The following KCNH4 variants were observed in gnomAD, a reference collection of about 807,000 sequenced individuals.
The protein encoded by KCNH4 is voltage-gated delayed rectifier potassium channel KCNH4.
KCNH4 carries 33 observed loss-of-function variants against 90.7 expected under a neutral mutation model. The ratio of observed to expected loss-of-function variants is 0.36; its 90% CI spans 0.28 to 0.49. The LOEUF (loss-of-function observed/expected upper bound fraction) is 0.49. Among genes scored for constraint, KCNH4 ranks in the 20% least tolerant of loss-of-function variants. The probability of loss-of-function intolerance (pLI) is 0.98; values close to 1 mark genes in which losing one functional copy is unlikely to be tolerated. For missense variants in KCNH4, 1,044 were observed against 1,387.1 expected (o/e 0.75, Z 3.93); for synonymous variants, 551 against 581.7 (o/e 0.95, Z 0.76).
chr17:42,175,489 G>T, intron 6 of KCNH4, 90 bp downstream of exon 6: 1 of 1,362,586 alleles, frequency 7.3e-7, no homozygotes. Context: ...ATGGGAAGGG[G>T]CATATCTGGG....
In KCNH4 at chr17:42,160,436, C is replaced by T; in HGVS notation, c.2659-1G>A. On this transcript the variant is annotated splice_acceptor_variant, in intron 15 of 16. Coordinates refer to ENST00000264661, the MANE Select transcript of KCNH4 (RefSeq NM_012285.3). LOFTEE classifies it high-confidence loss of function. ...ACACCTCCTGATTGAGACGAGAGAT[C>T]TGTTGAAAACACATCGAGTTGTTTC... The T allele has an allele frequency of 1.3e-6, 2 of 1,580,686 alleles. No homozygotes were observed. Among genetic ancestry groups the T allele is most frequent in the South Asian group, 1.1e-5 (1 of 88,626 alleles).
In KCNH4 at chr17:42,163,748, A is replaced by T; in HGVS notation, c.2335T>A (p.Ser779Thr). The change falls in exon 13 of 17, where the codon TCC becomes ACC. Residue 779 changes from serine to threonine, a missense_variant. Coordinates refer to ENST00000264661, the MANE Select transcript of KCNH4 (RefSeq NM_012285.3). This position sits in a 1 kb window ranked among gnomAD's most constrained non-coding sequence, Gnocchi z 5.4. ...FSALVSSPSLSPSLSPALAGQ... is the reference protein window; with the variant it reads ...FSALVSSPSLTPSLSPALAGQ... ...GCCAGGGCAGGGGACAGGGATGGGG[A>T]TAAGGAAGGAGAGGAGACAAGGGCT... 1 of 1,559,062 alleles carries T rather than the reference A, an allele frequency of 6.4e-7. No individual in the cohort carries two copies. Among genetic ancestry groups the T allele is most frequent in the Non-Finnish European group, 8.7e-7 (1 of 1,155,662 alleles).
intron 7 of KCNH4, among the ~76,000 whole-genome samples, chr17:42,170,855 T>C (rs534940920): frequency 1.2e-4 from 19 of 152,268 alleles, no homozygotes; most frequent in South Asian, 6.2e-4. Flanking sequence ...AAAATCCATC[T>C]AGGTGGAGAG....
At position 42,169,986 on chromosome 17, in the gene KCNH4, C is replaced by T. The variant is rs1284759353; in HGVS notation, c.1390+121G>A. ...CTCAGGAAACGTCCGTGAATGAATG[C>T]GTGACTGTCTGGACTTGGGTAGACA... On this transcript the variant is annotated intron_variant, in intron 8 of 16. Transcript: ENST00000264661. 4.8e-6 allele frequency: 5 copies of T among 1,046,736 alleles called. No individual in the cohort carries two copies. In the Admixed American group the frequency reaches 7.9e-5, roughly 17 times the overall value. The allele number at this position is 1,046,736 out of a possible 1,614,324, so 64.8% of individuals were successfully genotyped here. A position where few individuals can be genotyped will look rare whatever the true frequency, so the allele number is the denominator to read the frequency against.
At chr17:42,159,477 A>G (rs1030893803) in intron 16 of KCNH4, among the ~76,000 whole-genome samples, 1 of 152,130 alleles carries the variant, frequency 6.6e-6, no homozygotes, top group African/African-American at 2.4e-5. Flanking sequence ...TGGGCGGCCT[A>G]AGAAATCATG....
At position 42,163,375 on chromosome 17, in the gene KCNH4, G is replaced by A. The variant is rs765507809; in HGVS notation, c.2478-41C>T. 6.9e-7 allele frequency: 1 copy of A among 1,448,410 alleles called. No homozygotes were observed. The highest frequency in any genetic ancestry group is 9.7e-7 in the Non-Finnish European group (1 of 1,033,040). 89.7% of individuals were successfully genotyped at this position (1,448,410 alleles called of 1,614,324 possible). A position where few individuals can be genotyped will look rare whatever the true frequency, so the allele number is the denominator to read the frequency against. ...TGCTCATCAGCACCATGGGGTGAGG[G>A]TAAGGGCCAGAGCAGAGCAGACAGA... On this transcript the variant is annotated intron_variant, in intron 13 of 16. Coordinates refer to ENST00000264661, the MANE Select transcript of KCNH4 (RefSeq NM_012285.3). The surrounding 1 kb of genome is among the most constrained non-coding windows in gnomAD (Gnocchi z 5.4).
chr17:42,165,754 A>C (rs1367126740), intron 10 of KCNH4, 61 bp from the exon 11 acceptor site: 1 of 1,596,230 alleles, frequency 6.3e-7, no homozygotes, highest in Non-Finnish European at 8.6e-7. Flanking sequence ...TATCAGCTGG[A>C]GGTGCTCAGT....
Position 42,175,614 on chromosome 17 carries a change from G to A in KCNH4, c.952C>T (p.Pro318Ser). ...TTGAAGATGTAAAGCAGGTCAAAGGGCAGAGCAGCAATAAGGTCGATGAAG... is the reference window on the plus strand; with the variant it reads ...TTGAAGATGTAAAGCAGGTCAAAGGACAGAGCAGCAATAAGGTCGATGAAG... The part of the protein sequence containing the change: ...WFFIDLIAAL[P>S]FDLLYIFNIT... The change falls in exon 6 of 17, where the codon CCC becomes TCC. Residue 318 changes from proline (P) to serine (S), a missense_variant. Pro to Ser is a moderately conservative substitution (Grantham distance 74). Around this residue, in one of 4 missense-constraint regions of KCNH4, gnomAD observed 318 missense variants for 479.6 expected, o/e 0.66. Coordinates refer to ENST00000264661, the MANE Select transcript of KCNH4 (RefSeq NM_012285.3). 6.2e-7 allele frequency: 1 copy of A among 1,614,200 alleles called. No individual in the cohort carries two copies.
rs1214391895 is a variant in KCNH4, at chr17:42,180,281, A to G, written c.76+589T>C. 6.6e-6 allele frequency among the ~76,000 whole-genome samples: 1 copy of G among 151,938 alleles called. No individual in the cohort carries two copies. Among genetic ancestry groups the G allele is most frequent in the Non-Finnish European group, 1.5e-5 (1 of 67,930 alleles). On this transcript the variant is annotated intron_variant, in intron 1 of 16. Transcript: ENST00000264661. This position sits in a 1 kb window ranked among gnomAD's most constrained non-coding sequence, Gnocchi z 4.7. ...CGGGAGAAGAGGCGGGGGAGGAGTG[A>G]TGTGGCTGTCCAAGGTGCTGAACCT...
At position 42,163,762 on chromosome 17, in the gene KCNH4, G is replaced by T; in HGVS notation, c.2321C>A (p.Ser774Tyr). The change falls in exon 13 of 17, where the codon TCC becomes TAC. Residue 774 changes from serine to tyrosine, a missense_variant. Coordinates refer to ENST00000264661, the MANE Select transcript of KCNH4 (RefSeq NM_012285.3). The surrounding 1 kb of genome is among the most constrained non-coding windows in gnomAD (Gnocchi z 5.4). ...CAGGGATGGGGATAAGGAAGGAGAGGAGACAAGGGCTGAGAATGGGGGCAG... is the reference window on the plus strand; with the variant it reads ...CAGGGATGGGGATAAGGAAGGAGAGTAGACAAGGGCTGAGAATGGGGGCAG... ...EELPPFSALV[S>Y]SPSLSPSLSP... 6.4e-7 allele frequency: 1 copy of T among 1,559,260 alleles called. No homozygotes were observed. Among genetic ancestry groups the T allele is most frequent in the Non-Finnish European group, 8.7e-7 (1 of 1,154,796 alleles).
At chr17:42,161,107 C>T (rs112829597) in intron 15 of KCNH4, among the ~76,000 whole-genome samples, 5,514 of 151,566 alleles carry the variant, frequency 0.036, 247 homozygotes, top group African/African-American at 0.11. Flanking sequence ...TTTTCGTATT[C>T]TTAGTAGAGA....
intron 4 of KCNH4, among the ~76,000 whole-genome samples, chr17:42,177,413 G>A (rs1308752515): frequency 1.3e-5 from 2 of 150,778 alleles, no homozygotes; most frequent in South Asian, 2.1e-4. Flanking sequence ...TGCCCAGGCT[G>A]GTCTAGAACT....
chr17:42,165,346 G>A, intron 11 of KCNH4, 103 bp downstream of exon 11: 1 of 1,438,696 alleles, frequency 7.0e-7, no homozygotes, highest in South Asian at 1.3e-5. Flanking sequence ...CTTCAGGCAT[G>A]TGTTTTTAGG....
At position 42,180,669 on chromosome 17, in the gene KCNH4, C is replaced by G. The variant is rs1261617502; in HGVS notation, c.76+201G>C. Among the ~76,000 whole-genome samples, 2 of 152,098 alleles carry G rather than the reference C, an allele frequency of 1.3e-5. No individual in the cohort carries two copies. The highest frequency in any genetic ancestry group is 6.5e-5 in the Admixed American group (1 of 15,276). ...AGTCACACCCCCTAACCTTGGCCCCCGTGCTCTCGGCCCTTTCCCCTCCTC... is the reference window on the plus strand; with the variant it reads ...AGTCACACCCCCTAACCTTGGCCCCGGTGCTCTCGGCCCTTTCCCCTCCTC... On this transcript the variant is annotated intron_variant, in intron 1 of 16. Coordinates refer to ENST00000264661, the MANE Select transcript of KCNH4 (RefSeq NM_012285.3). The surrounding 1 kb of genome is among the most constrained non-coding windows in gnomAD (Gnocchi z 4.7).
intron 11 of KCNH4, among the ~76,000 whole-genome samples, chr17:42,164,593 A>G (rs2079773250): frequency 6.6e-6 from 1 of 152,118 alleles, no homozygotes; most frequent in South Asian, 2.1e-4. Context: ...ACCTGAGGTC[A>G]GGAGTTCGAG....
chr17:42,172,120 T>C, intron 6 of KCNH4, 125 bp from the exon 7 acceptor site: 1 of 734,454 alleles, frequency 1.4e-6, no homozygotes, highest in Admixed American at 2.2e-5. Flanking sequence ...AAAGACATCT[T>C]TGCTGTCCTG....
rs149546620 is a variant in KCNH4, at chr17:42,175,915, A to G, written c.829+139T>C. ...CTGAAGGCTGCGGGGAGCAGGACACATGGGCCATTGGGACTTAAAGATGCA... is the reference window on the plus strand; with the variant it reads ...CTGAAGGCTGCGGGGAGCAGGACACGTGGGCCATTGGGACTTAAAGATGCA... On this transcript the variant is annotated intron_variant, in intron 5 of 16. Transcript: ENST00000264661. 1.8e-3 allele frequency: 2,246 copies of G among 1,228,088 alleles called. 39 individuals carry two copies. In the African/African-American group the frequency reaches 0.03, roughly 17 times the overall value. The allele number at this position is 1,228,088 out of a possible 1,614,324, so 76.1% of individuals were successfully genotyped here.
At chr17:42,158,393 T>A (rs2079722669) in intron 16 of KCNH4, among the ~76,000 whole-genome samples, 1 of 140,328 alleles carries the variant, frequency 7.1e-6, no homozygotes, top group South Asian at 2.3e-4. Context: ...TAGCTGGGCG[T>A]GGTGGCAGGC....
At position 42,176,085 on chromosome 17, in the gene KCNH4, G is replaced by A. The variant is rs779009381; in HGVS notation, c.798C>T (p.Ser266=). The change falls in exon 5 of 17, where the codon AGC becomes AGT. Residue 266 remains serine, a synonymous_variant. Transcript: ENST00000264661. ...TGAAGAGCATTTCCACGGCGATGTC[G>A]CTGACAAGGGTGTGTCGCGAAGTGA... ...TPITSRHTLV[S]DIAVEMLFIL... 23 of 1,610,000 alleles carry A rather than the reference G, an allele frequency of 1.4e-5. No individual in the cohort carries two copies. The Admixed American group carries it at 2.0e-4, about 14-fold the overall frequency.
Sources: gnomAD v4.1 joint callset for allele counts (sites outside exome capture counted in the v4.1 genomes callset) on GRCh38, gnomAD v4.1.1 for gene constraint, gnomAD v4.1.1 regional missense constraint, Gnocchi (gnomAD v3.1) non-coding constraint, MANE v1.5 for transcripts, NCBI Gene and HGNC (gene_info 2026-07-23, HGNC 2026-07-21) for gene names.